The following STMN1 variants were observed in gnomAD, a reference collection of about 807,000 sequenced individuals.
The protein encoded by STMN1 is stathmin 1.
STMN1 carries 3 observed loss-of-function variants against 19.7 expected under a neutral mutation model. The ratio of observed to expected loss-of-function variants is 0.15; its 90% CI spans 0.07 to 0.39. STMN1 has a LOEUF of 0.39. STMN1 is among the 10% of genes least tolerant of loss of function. The pLI is 1.00. For missense variants in STMN1, 99 were observed against 176.0 expected (o/e 0.56, Z 2.48); for synonymous variants, 59 against 58.9 (o/e 1.00, Z -0.01).
chr1:25,891,331 T>TA (rs34481251), intron 4 of STMN1, among the ~76,000 whole-genome samples: 1,749 of 144,868 alleles, frequency 0.012, 34 homozygotes, highest in African/African-American at 0.042. Flanking sequence ...AACTCCATCT[T>TA]AAAAAAAAAA....
At chr1:25,901,204 T>TGGGGTTCCCCC in intron 4 of STMN1, 117 bp from the exon 5 acceptor site, 4 of 1,502,374 alleles carry the variant, frequency 2.7e-6, no homozygotes, top group Non-Finnish European at 3.5e-6. Flanking sequence ...AGTGCATATA[T>TGGGGTTCCCCC]TACAGCCTGT....
chr1:25,900,024 G>A, downstream of STMN1: 1 of 919,550 alleles, frequency 1.1e-6, no homozygotes, highest in South Asian at 5.0e-5. Context: ...TACAGCCTCT[G>A]GATACAAGAT....
At chr1:25,899,424 G>C (rs1022102428), downstream of STMN1, among the ~76,000 whole-genome samples, 1 of 152,180 alleles carries the variant, frequency 6.6e-6, no homozygotes, top group Non-Finnish European at 1.5e-5. Flanking sequence ...TGTCCTCTTG[G>C]TTTAGATATT....
downstream of STMN1, among the ~76,000 whole-genome samples, chr1:25,897,311 GAAAA>G (rs745773752): frequency 6.4e-5 from 6 of 94,148 alleles, no homozygotes; most frequent in South Asian, 1.6e-3. Context: ...AGACTGTCTC[GAAAA>G]AAAAAAAAAA....
downstream of STMN1, among the ~76,000 whole-genome samples, chr1:25,895,265 G>A (rs159520): frequency 6.6e-6 from 1 of 151,960 alleles, no homozygotes; most frequent in Non-Finnish European, 1.5e-5. Context: ...ACCACGCCCG[G>A]CTAATCTTGT....
intron 2 of STMN1, 27 bp from the exon 3 acceptor site, chr1:25,903,840 G>A (rs773821047): frequency 6.4e-7 from 1 of 1,573,120 alleles, no homozygotes; most frequent in Admixed American, 2.0e-5. Context: ...TTATAATTCA[G>A]AAAACCAGGA....
chr1:25,893,502 GC>G (rs1188479249), intron 4 of STMN1, among the ~76,000 whole-genome samples: 1 of 152,148 alleles, frequency 6.6e-6, no homozygotes, highest in East Asian at 1.9e-4. Context: ...ACCTACTTAT[GC>G]CCCAGCTGTC....
At chr1:25,894,552 C>T (rs541860413) in intron 4 of STMN1, among the ~76,000 whole-genome samples, 1 of 152,072 alleles carries the variant, frequency 6.6e-6, no homozygotes, top group Non-Finnish European at 1.5e-5. Context: ...TTGTGGCATG[C>T]ACCTATAGTC....
Position 25,900,565 on chromosome 1 carries a change from A to T in STMN1, c.*451T>A, listed in dbSNP as rs2048860191. The T allele has an allele frequency of 5.1e-6, 5 of 986,286 alleles. No individual in the cohort carries two copies. The South Asian group carries it at 1.9e-4, about 37-fold the overall frequency. The allele number at this position is 986,286 out of a possible 1,614,324, so 61.1% of individuals were successfully genotyped here. Reference sequence around the variant, plus strand: ...ACCTAACTCAAAAGAAGTCACTGCCACCAACAGCACTGTGCAGTTTTATTA... The same window carrying T: ...ACCTAACTCAAAAGAAGTCACTGCCTCCAACAGCACTGTGCAGTTTTATTA... On this transcript the variant is annotated 3_prime_UTR_variant, in exon 5 of 5. Transcript: ENST00000455785.
chr1:25,892,580 TC>T (rs2048785841), intron 4 of STMN1: 1 of 984,792 alleles, frequency 1.0e-6, no homozygotes, highest in Non-Finnish European at 1.2e-6. Context: ...CCGCTGAGGG[TC>T]CCCTCCCAGC....
At chr1:25,884,653 G>GC (rs2048706969), downstream of STMN1, 1 of 143,728 alleles carries the variant, frequency 7.0e-6, no homozygotes, top group African/African-American at 2.7e-5. Flanking sequence ...CCGAGATCAC[G>GC]CCACTGCCCT....
chr1:25,904,563 G>A, intron 2 of STMN1, 101 bp downstream of exon 2: 1 of 1,054,194 alleles, frequency 9.5e-7, no homozygotes, highest in Middle Eastern at 2.1e-4. Flanking sequence ...GTTTTGGTAA[G>A]ACCAAAACAT....
At chr1:25,885,283 C>T (rs927746764), downstream of STMN1, 2 of 154,456 alleles carry the variant, frequency 1.3e-5, no homozygotes, top group African/African-American at 4.8e-5. Flanking sequence ...TCCCTGTGAC[C>T]CCTTCCCGTA....
intron 4 of STMN1, among the ~76,000 whole-genome samples, chr1:25,892,851 G>C (rs1002268741): frequency 6.6e-6 from 1 of 152,118 alleles, no homozygotes; most frequent in African/African-American, 2.4e-5. Context: ...ACTCCACTCC[G>C]TGATTTGGGG....
In STMN1 at chr1:25,900,749, C is replaced by T. The variant is rs2048862704; in HGVS notation, c.*267G>A. The T allele has an allele frequency of 2.4e-6, 3 of 1,273,728 alleles. No individual in the cohort carries two copies. In the South Asian group the frequency reaches 6.7e-5, roughly 29 times the overall value. 78.9% of individuals were successfully genotyped at this position (1,273,728 alleles called of 1,614,324 possible). A position where few individuals can be genotyped will look rare whatever the true frequency, so the allele number is the denominator to read the frequency against. On this transcript the variant is annotated 3_prime_UTR_variant, in exon 5 of 5. Transcript: ENST00000455785. Reference sequence around the variant, plus strand: ...TACAGTACTAGCCATTAACCCAGTACACCAAGTGTACTGAAGTAGAAAAGA... The same window carrying T: ...TACAGTACTAGCCATTAACCCAGTATACCAAGTGTACTGAAGTAGAAAAGA...
chr1:25,902,835 C>G (rs957326532), intron 3 of STMN1: 13 of 152,200 alleles, frequency 8.5e-5, no homozygotes, highest in African/African-American at 3.1e-4. Flanking sequence ...TGTGTGTATA[C>G]TACAAATCAC....
intron 4 of STMN1, among the ~76,000 whole-genome samples, chr1:25,893,006 T>TAA (rs1017650891): frequency 6.6e-6 from 1 of 152,242 alleles, no homozygotes; most frequent in Non-Finnish European, 1.5e-5. Flanking sequence ...TGTAAAATTT[T>TAA]AAAAATATAT....
chr1:25,891,457 G>A (rs2124229786), intron 4 of STMN1, among the ~76,000 whole-genome samples: 1 of 152,262 alleles, frequency 6.6e-6, no homozygotes, highest in East Asian at 1.9e-4. Context: ...AAATGATGGA[G>A]CCAGGTGACA....
intron 4 of STMN1, among the ~76,000 whole-genome samples, chr1:25,888,006 G>GT (rs2048739488): frequency 6.6e-6 from 1 of 152,156 alleles, no homozygotes; most frequent in East Asian, 1.9e-4. Context: ...TGTTGTTGTT[G>GT]TTTTTTAAAG....
Sources: allele counts gnomAD v4.1 joint callset (sites outside exome capture counted in the v4.1 genomes callset), GRCh38; gene constraint gnomAD v4.1.1; transcripts MANE v1.5; gene names NCBI Gene and HGNC (gene_info 2026-07-23, HGNC 2026-07-21).